C4orf51: variants seen among roughly 807,000 people sequenced by gnomAD.
C4orf51 encodes the protein uncharacterized protein C4orf51.
C4orf51 carries 25 observed loss-of-function variants against 25.2 expected under a neutral mutation model. The observed-to-expected ratio is 0.99, with a 90% CI of 0.72 to 1.39. The LOEUF (loss-of-function observed/expected upper bound fraction) is 1.39, where lower values mean the gene tolerates loss of function less well. C4orf51 is among the 40% of genes most tolerant of loss of function. C4orf51 has a pLI of 0.00. For synonymous variants in C4orf51, 100 were observed against 84.5 expected (o/e 1.18, Z -1.01); for missense variants, 252 against 239.6 (o/e 1.05, Z -0.34).
intron 1 of C4orf51, among the ~76,000 whole-genome samples, chr4:145,693,889 C>T (rs1462280321): frequency 7.6e-5 from 10 of 131,986 alleles, no homozygotes; most frequent in African/African-American, 1.7e-4. Context: ...CGGGCGGAGA[C>T]GCTCCTCACT....
chr4:145,734,783 G>T (rs1049454630), downstream of C4orf51, among the ~76,000 whole-genome samples: 1 of 152,190 alleles, frequency 6.6e-6, no homozygotes, highest in African/African-American at 2.4e-5. Context: ...TGGGTGCCAC[G>T]GAGCACAGAC....
intron 2 of C4orf51, among the ~76,000 whole-genome samples, chr4:145,719,527 C>T (rs1731606963): frequency 6.7e-6 from 1 of 150,094 alleles, no homozygotes; most frequent in Admixed American, 6.7e-5. Flanking sequence ...ATGGCGTGAA[C>T]CCAGGAGGCA....
chr4:145,729,297 AT>A (rs547075220), intron 4 of C4orf51, 68 bp downstream of exon 4: 34,933 of 289,250 alleles, frequency 0.12, 3 homozygotes, highest in Middle Eastern at 0.14. Flanking sequence ...TGGTCATGTG[AT>A]TTTTTTTTTT....
rs1270345812 is a variant in C4orf51, at chr4:145,729,258, C to T, written c.427+29C>T. 5.1e-6 allele frequency: 6 copies of T among 1,173,764 alleles called. No homozygotes were observed. The South Asian group carries it at 6.7e-5, about 13-fold the overall frequency. 72.7% of individuals were successfully genotyped at this position (1,173,764 alleles called of 1,614,324 possible). The stretch of plus-strand genomic sequence containing the variant: ...AGTCCCATCCTGAACTACTACTTTA[C>T]ATCCATTTTCTGGCCTTTATTTTAA... On this transcript the variant is annotated intron_variant, in intron 4 of 5. Coordinates refer to ENST00000438731, the MANE Select transcript of C4orf51 (RefSeq NM_001080531.3).
rs895680096 is a variant in C4orf51, at chr4:145,732,618, A to C, written c.*58A>C. On this transcript the variant is annotated 3_prime_UTR_variant, in exon 6 of 6. Coordinates refer to ENST00000438731, the MANE Select transcript of C4orf51 (RefSeq NM_001080531.3). ...GGAGTTTGCTTAATAAACAACTTTG[A>C]GGTATGGGGCCCTCCCAACACCCTC... is the stretch of plus-strand genomic sequence containing the variant. 7 of 1,221,474 alleles carry C rather than the reference A, an allele frequency of 5.7e-6. No homozygotes were observed. Among genetic ancestry groups the C allele is most frequent in the Non-Finnish European group, 7.0e-6 (6 of 851,380 alleles). 75.7% of individuals were successfully genotyped at this position (1,221,474 alleles called of 1,614,324 possible). A position where few individuals can be genotyped will look rare whatever the true frequency, so the allele number is the denominator to read the frequency against.
At chr4:145,756,005 C>T (rs1223025606), downstream of C4orf51, among the ~76,000 whole-genome samples, 1 of 152,244 alleles carries the variant, frequency 6.6e-6, no homozygotes, top group African/African-American at 2.4e-5. Flanking sequence ...CCATCTCTCA[C>T]TAAGCACCTC....
chr4:145,745,320 A>T (rs924979089), intron 1 of C4orf51, among the ~76,000 whole-genome samples: 23 of 135,336 alleles, frequency 1.7e-4, no homozygotes, highest in East Asian at 1.1e-3. Context: ...TTATTCATTC[A>T]TTTTTTTTTT....
At chr4:145,734,733 C>T (rs1732709956), downstream of C4orf51, among the ~76,000 whole-genome samples, 1 of 152,218 alleles carries the variant, frequency 6.6e-6, no homozygotes, top group Admixed American at 6.5e-5. Flanking sequence ...TTTTATGACT[C>T]AGGCTGTCCT....
chr4:145,767,660 CAG>C (rs1178560831), intron 1 of C4orf51, among the ~76,000 whole-genome samples: 3 of 152,174 alleles, frequency 2.0e-5, no homozygotes, highest in African/African-American at 7.2e-5. Flanking sequence ...ACAAGGATGA[CAG>C]TGGATTTCTC....
intron 2 of C4orf51, among the ~76,000 whole-genome samples, chr4:145,712,519 C>A (rs1731186309): frequency 6.6e-6 from 1 of 152,166 alleles, no homozygotes; most frequent in Non-Finnish European, 1.5e-5. Flanking sequence ...AAGCCTAATC[C>A]AGAGAAAGGC....
At chr4:145,708,219 T>C (rs1238359113) in intron 2 of C4orf51, among the ~76,000 whole-genome samples, 2 of 152,234 alleles carry the variant, frequency 1.3e-5, no homozygotes, top group African/African-American at 2.4e-5. Context: ...ATTCTGCTCT[T>C]AGTTATGAAA....
chr4:145,769,340 C>A (rs1429431279), intron 1 of C4orf51, among the ~76,000 whole-genome samples: 1 of 152,164 alleles, frequency 6.6e-6, no homozygotes, highest in Non-Finnish European at 1.5e-5. Flanking sequence ...GTTACATTTT[C>A]TAGGTAGAAC....
At chr4:145,768,988 G>A (rs1183496980) in intron 1 of C4orf51, among the ~76,000 whole-genome samples, 1 of 137,584 alleles carries the variant, frequency 7.3e-6, no homozygotes, top group Non-Finnish European at 1.5e-5. Flanking sequence ...TTGGTGTCAT[G>A]TTTGTTTACT....
chr4:145,700,844 G>C (rs1730389941), intron 2 of C4orf51, among the ~76,000 whole-genome samples: 2 of 152,016 alleles, frequency 1.3e-5, no homozygotes, highest in African/African-American at 2.4e-5. Context: ...CCTCCACCCT[G>C]TAATCTTTTT....
At chr4:145,718,370 A>C (rs914264370) in intron 2 of C4orf51, among the ~76,000 whole-genome samples, 7 of 152,262 alleles carry the variant, frequency 4.6e-5, no homozygotes, top group African/African-American at 1.4e-4. Flanking sequence ...GGCAGTGCCT[A>C]GGAAAATATT....
the C4orf51 span, among the ~76,000 whole-genome samples, chr4:145,782,744 C>T: frequency 2.6e-5 from 4 of 152,228 alleles, no homozygotes; most frequent in Admixed American, 2.6e-4. Flanking sequence ...CTGAGTCCTT[C>T]ATGGCCTGGC....
In C4orf51 at chr4:145,765,096, T is replaced by C; in HGVS notation, n.167-5892T>C. ...ACACTCAAACATCCGGGTGATGAGGTGTATCTGCAGATGACGCTCAAACAT... is the reference window on the plus strand; with the variant it reads ...ACACTCAAACATCCGGGTGATGAGGCGTATCTGCAGATGACGCTCAAACAT... On this transcript the variant is annotated intron_variant and non_coding_transcript_variant, in intron 1 of 1. Transcript: ENST00000510096. The surrounding 1 kb of genome is among the most constrained non-coding windows in gnomAD (Gnocchi z 4.7). 1 of 1,614,132 alleles carries C rather than the reference T, an allele frequency of 6.2e-7. No individual in the cohort carries two copies. Among genetic ancestry groups the C allele is most frequent in the Non-Finnish European group, 8.5e-7 (1 of 1,180,018 alleles).
At chr4:145,737,299 C>A (rs530957973), downstream of C4orf51, among the ~76,000 whole-genome samples, 1 of 152,178 alleles carries the variant, frequency 6.6e-6, no homozygotes, top group South Asian at 2.1e-4. Flanking sequence ...TTTGTAGGTC[C>A]TGTGATTCTA....
At chr4:145,697,919 A>T (rs1730176887) in intron 2 of C4orf51, among the ~76,000 whole-genome samples, 1 of 152,160 alleles carries the variant, frequency 6.6e-6, no homozygotes, top group African/African-American at 2.4e-5. Flanking sequence ...AATTTTTTTC[A>T]GGAACCTCCC....
Sources: gnomAD v4.1 joint callset for allele counts (sites outside exome capture counted in the v4.1 genomes callset) on GRCh38, gnomAD v4.1.1 for gene constraint, Gnocchi (gnomAD v3.1) non-coding constraint, MANE v1.5 for transcripts, NCBI Gene and HGNC (gene_info 2026-07-23, HGNC 2026-07-21) for gene names.